The following FANCB variants were observed in gnomAD, a reference collection of about 807,000 sequenced individuals.
FANCB encodes Fanconi anemia group B protein.
Under a neutral mutation model 38.9 loss-of-function variants are expected in FANCB, and 5 were observed. The observed-to-expected ratio is 0.13, with a 90% CI of 0.07 to 0.27. The LOEUF (loss-of-function observed/expected upper bound fraction) is 0.27. Among genes scored for constraint, FANCB ranks in the 10% least tolerant of loss-of-function variants. The pLI, the probability that FANCB is intolerant of heterozygous loss-of-function variation, is 1.00. For missense variants in FANCB, 573 were observed against 602.7 expected, an observed-to-expected ratio of 0.95 and a Z score of 0.52; for synonymous variants, 236 against 215.4, an observed-to-expected ratio of 1.10 and a Z score of -0.84.
At chrX:14,738,630 T>C in the FANCB span, among the ~76,000 whole-genome samples, 9 of 112,237 alleles carry the variant, frequency 8.0e-5, no homozygotes, top group African/African-American at 2.9e-4. Context: ...ACTGGAGGAT[T>C]TGTCTTTTAA....
chrX:14,847,597 T>G (rs1390698385), intron 7 of FANCB, among the ~76,000 whole-genome samples: 2 of 109,517 alleles, frequency 1.8e-5, no homozygotes, highest in Non-Finnish European at 3.8e-5. Flanking sequence ...AAGAATTGTT[T>G]GAATTGCCAG....
At chrX:14,724,652 A>AAAAAAAAAAAAC in the FANCB span, among the ~76,000 whole-genome samples, 1 of 100,229 alleles carries the variant, frequency 1.0e-5, no homozygotes, top group Admixed American at 1.1e-4. Context: ...AAAAAAAAAA[A>AAAAAAAAAAAAC]CAAGAAGAAG....
the FANCB span, among the ~76,000 whole-genome samples, chrX:14,740,969 C>A: frequency 2.7e-5 from 3 of 110,450 alleles, no homozygotes; most frequent in African/African-American, 9.9e-5. Flanking sequence ...TGCACACACA[C>A]ACACACGCAC....
the FANCB span, among the ~76,000 whole-genome samples, chrX:14,829,293 G>C: frequency 9.0e-6 from 1 of 111,386 alleles, no homozygotes; most frequent in Non-Finnish European, 1.9e-5. Flanking sequence ...ACCCAGGCTT[G>C]TGGATTCATT....
Position 14,864,493 on chromosome X carries a change from T to C in FANCB, c.951+67A>G, listed in dbSNP as rs968953040. On this transcript the variant is annotated intron_variant, in intron 3 of 9. Coordinates refer to ENST00000650831, the MANE Select transcript of FANCB (RefSeq NM_001018113.3). Reference sequence around the variant, plus strand: ...CAATAAGACTCCAGAATGAACTCTATGAACTATACAAATGTTTAAAAGGTC... The same window carrying C: ...CAATAAGACTCCAGAATGAACTCTACGAACTATACAAATGTTTAAAAGGTC... 5.7e-6 allele frequency: 4 copies of C among 706,251 alleles called. No homozygotes were observed. The African/African-American group carries it at 6.3e-5, about 11-fold the overall frequency. The allele number at this position is 706,251 out of a possible 1,213,427, so 58.2% of individuals were successfully genotyped here. A position where few individuals can be genotyped will look rare whatever the true frequency, so the allele number is the denominator to read the frequency against.
At chrX:14,738,510 T>G in the FANCB span, among the ~76,000 whole-genome samples, 8 of 112,104 alleles carry the variant, frequency 7.1e-5, no homozygotes. Context: ...AGAAAAACAT[T>G]GGTGAAGGAG....
At chrX:14,716,510 A>T in the FANCB span, among the ~76,000 whole-genome samples, 1 of 111,856 alleles carries the variant, frequency 8.9e-6, no homozygotes, top group African/African-American at 3.3e-5. Context: ...GTAAAGAGAG[A>T]GTTATCTGCC....
the FANCB span, among the ~76,000 whole-genome samples, chrX:14,751,388 A>G: frequency 5.7e-4 from 64 of 112,142 alleles, no homozygotes; most frequent in African/African-American, 1.9e-3. Flanking sequence ...ACAACAGAAT[A>G]CCTACCGTGT....
the FANCB span, chrX:14,730,305 T>C: frequency 4.1e-6 from 5 of 1,209,941 alleles, no homozygotes; most frequent in Non-Finnish European, 5.6e-6. Context: ...AGGCCACACC[T>C]GCCAACCCAC....
At chrX:14,797,590 G>A in the FANCB span, among the ~76,000 whole-genome samples, 1 of 108,819 alleles carries the variant, frequency 9.2e-6, no homozygotes, top group Non-Finnish European at 1.9e-5. Flanking sequence ...GCTGAGACAG[G>A]AGAATTGCTT....
At chrX:14,827,656 T>C in the FANCB span, among the ~76,000 whole-genome samples, 1 of 112,023 alleles carries the variant, frequency 8.9e-6, no homozygotes, top group African/African-American at 3.2e-5. Context: ...TCAGCCCATT[T>C]AATACAAATT....
the FANCB span, among the ~76,000 whole-genome samples, chrX:14,793,184 C>G: frequency 2.7e-5 from 3 of 111,938 alleles, no homozygotes; most frequent in Non-Finnish European, 5.7e-5. Flanking sequence ...AAATTTAAGT[C>G]TTTAAATTTA....
In FANCB at chrX:14,859,283, C is replaced by G; in HGVS notation, c.1003G>C (p.Gly335Arg). The G allele has an allele frequency of 8.4e-7, 1 of 1,188,861 alleles. No individual in the cohort carries two copies. The highest frequency in any genetic ancestry group is 1.1e-6 in the Non-Finnish European group (1 of 875,450). ...LSLVLIDDFI[G>R]SGTEQVLLLF... ...AGGAGTACTTGTTCAGTTCCACTTC[C>G]AATAAAGTCATCTATCAGTACTAAG... is the stretch of plus-strand genomic sequence containing the variant. The change falls in exon 4 of 10, where the codon GGA becomes CGA. Residue 335 changes from glycine (G) to arginine (R), a missense_variant. By Grantham distance (125) the Gly-to-Arg change is moderately radical. Coordinates refer to ENST00000650831, the MANE Select transcript of FANCB (RefSeq NM_001018113.3).
At chrX:14,811,928 A>C in the FANCB span, among the ~76,000 whole-genome samples, 4 of 111,993 alleles carry the variant, frequency 3.6e-5, no homozygotes, top group Non-Finnish European at 7.5e-5. Flanking sequence ...AGCTCTCCTC[A>C]GAAAATGTAA....
chrX:14,694,341 T>G, the FANCB span, among the ~76,000 whole-genome samples: 2 of 112,226 alleles, frequency 1.8e-5, no homozygotes, highest in African/African-American at 6.5e-5. Flanking sequence ...ATTCAAAAGA[T>G]GTTTATTGAG....
the FANCB span, among the ~76,000 whole-genome samples, chrX:14,738,253 C>A: frequency 1.8e-5 from 2 of 112,252 alleles, no homozygotes; most frequent in African/African-American, 6.5e-5. Context: ...ATTTTGAGTA[C>A]CACATATGCT....
downstream of FANCB, among the ~76,000 whole-genome samples, chrX:14,833,140 T>C (rs1569079394): frequency 1.8e-5 from 2 of 112,524 alleles, no homozygotes; most frequent in Non-Finnish European, 3.7e-5. Context: ...TATCTTTTCA[T>C]TTTCCTTTCA....
At chrX:14,745,845 G>A in the FANCB span, among the ~76,000 whole-genome samples, 6 of 107,024 alleles carry the variant, frequency 5.6e-5, no homozygotes, top group Admixed American at 2.0e-4. Context: ...GACTACAGGC[G>A]CCCACCACCA....
the FANCB span, among the ~76,000 whole-genome samples, chrX:14,737,053 A>C: frequency 9.0e-6 from 1 of 110,923 alleles, no homozygotes; most frequent in Non-Finnish European, 1.9e-5. Flanking sequence ...GCTACTCAGG[A>C]GGCTGAGGCG....
Sources: allele counts gnomAD v4.1 joint callset (sites outside exome capture counted in the v4.1 genomes callset), GRCh38; gene constraint gnomAD v4.1.1; transcripts MANE v1.5; gene names NCBI Gene and HGNC (gene_info 2026-07-23, HGNC 2026-07-21).